The following PRIM2 variants were observed in gnomAD, a reference collection of about 807,000 sequenced individuals.
PRIM2 encodes DNA primase subunit 2.
Under a neutral mutation model 67.3 loss-of-function variants are expected in PRIM2, and 39 were observed. That is an observed-to-expected ratio of 0.58 (90% confidence interval 0.45 to 0.76). The LOEUF (loss-of-function observed/expected upper bound fraction) is 0.76, where lower values mean the gene tolerates loss of function less well. PRIM2 is among the 30% of genes least tolerant of loss of function. The probability of loss-of-function intolerance (pLI) is 0.00; values close to 1 mark genes in which losing one functional copy is unlikely to be tolerated. For synonymous variants in PRIM2, 143 were observed against 198.7 expected (o/e 0.72, Z 2.36); for missense variants, 398 against 598.7 (o/e 0.66, Z 3.50).
At chr6:57,506,741 A>C (rs2127459447) in intron 7 of PRIM2, among the ~76,000 whole-genome samples, 1 of 152,220 alleles carries the variant, frequency 6.6e-6, no homozygotes, top group South Asian at 2.1e-4. Flanking sequence ...TTATTGTAAT[A>C]AAATAGATCA....
chr6:57,405,550 G>T (rs185566864), intron 7 of PRIM2, among the ~76,000 whole-genome samples: 615 of 135,124 alleles, frequency 4.6e-3, no homozygotes, highest in Non-Finnish European at 6.7e-3. Flanking sequence ...AATAGGATTG[G>T]CCACATCCTA....
chr6:57,487,521 C>T (rs1425361493), intron 7 of PRIM2, among the ~76,000 whole-genome samples: 1 of 152,170 alleles, frequency 6.6e-6, no homozygotes, highest in Non-Finnish European at 1.5e-5. Flanking sequence ...GCGCCACTGC[C>T]CCTGGCCTGA....
intron 7 of PRIM2, among the ~76,000 whole-genome samples, chr6:57,468,896 C>T (rs1482650601): frequency 5.3e-5 from 8 of 152,154 alleles, no homozygotes; most frequent in African/African-American, 1.7e-4. Flanking sequence ...TTATTAAATG[C>T]CCAAGTCATT....
intron 7 of PRIM2, among the ~76,000 whole-genome samples, chr6:57,468,903 C>T (rs1292270458): frequency 1.3e-5 from 2 of 152,328 alleles, no homozygotes; most frequent in African/African-American, 2.4e-5. Flanking sequence ...ATGCCCAAGT[C>T]ATTTGCTCTC....
At chr6:57,415,745 A>C (rs1449523290) in intron 7 of PRIM2, among the ~76,000 whole-genome samples, 1 of 152,244 alleles carries the variant, frequency 6.6e-6, no homozygotes, top group Non-Finnish European at 1.5e-5. Flanking sequence ...CATTTCAACA[A>C]TGTTCATAGC....
At chr6:57,560,140 A>G (rs1398437882) in intron 10 of PRIM2, among the ~76,000 whole-genome samples, 1 of 152,206 alleles carries the variant, frequency 6.6e-6, no homozygotes, top group Non-Finnish European at 1.5e-5. Flanking sequence ...TTTATAAGTT[A>G]AGTGTATGTA....
At chr6:57,371,743 T>A (rs985950940) in intron 5 of PRIM2, among the ~76,000 whole-genome samples, 2 of 152,250 alleles carry the variant, frequency 1.3e-5, no homozygotes, top group Non-Finnish European at 2.9e-5. Flanking sequence ...GACATGAAGA[T>A]TTCTTCTCCT....
chr6:57,339,553 A>C (rs1461310092), intron 5 of PRIM2, among the ~76,000 whole-genome samples: 2 of 152,200 alleles, frequency 1.3e-5, no homozygotes, highest in Admixed American at 1.3e-4. Flanking sequence ...ATAACGCTGC[A>C]TATCTACAAC....
At chr6:57,480,169 A>G (rs1258977678) in intron 7 of PRIM2, among the ~76,000 whole-genome samples, 3 of 152,220 alleles carry the variant, frequency 2.0e-5, no homozygotes, top group Admixed American at 6.5e-5. Context: ...AGAGGTGAAG[A>G]GTGTGGAACA....
At chr6:57,266,921 A>G in the PRIM2 span, among the ~76,000 whole-genome samples, 1 of 152,246 alleles carries the variant, frequency 6.6e-6, no homozygotes, top group Non-Finnish European at 1.5e-5. Flanking sequence ...TGGAATGATG[A>G]AAAGTACTTC....
At position 57,539,588 on chromosome 6, in the gene PRIM2, C is replaced by G. The variant is rs1331520038; in HGVS notation, c.1020+1963C>G. Among the ~76,000 whole-genome samples, 905 of 112,878 alleles carry G rather than the reference C, an allele frequency of 8.0e-3. 11 individuals carry two copies. The highest frequency in any genetic ancestry group is 0.029 in the African/African-American group (852 of 29,888). The allele number at this position is 112,878 out of a possible 152,430, so 74.1% of individuals were successfully genotyped here. On this transcript the variant is annotated intron_variant, in intron 10 of 13. Transcript: ENST00000615550. ...TCTTTGTGTGTGTGTGTGTGTGTGT[C>G]AATTATAGTTTTGATTATATTCTTT...
the PRIM2 span, among the ~76,000 whole-genome samples, chr6:57,244,275 C>T: frequency 1.3e-5 from 2 of 152,296 alleles, no homozygotes; most frequent in East Asian, 1.9e-4. Flanking sequence ...TAACGAAATG[C>T]ACCTTCATTT....
intron 10 of PRIM2, among the ~76,000 whole-genome samples, chr6:57,548,892 C>T (rs1775344183): frequency 6.6e-6 from 1 of 151,758 alleles, no homozygotes; most frequent in African/African-American, 2.4e-5. Context: ...TCTAGAATAA[C>T]ACCTTCCATA....
upstream of PRIM2, among the ~76,000 whole-genome samples, chr6:57,310,907 C>T (rs1033028697): frequency 5.8e-5 from 8 of 138,434 alleles, no homozygotes; most frequent in South Asian, 4.9e-4. Context: ...GGGTGGCGGC[C>T]GGGCAGAGAC....
intron 12 of PRIM2, among the ~76,000 whole-genome samples, chr6:57,615,538 T>C (rs1265252868): frequency 3.3e-5 from 5 of 152,322 alleles, no homozygotes; most frequent in Non-Finnish European, 5.9e-5. Flanking sequence ...GAAAGATGCA[T>C]ATGAAATTTT....
At chr6:57,434,184 T>TA (rs769541798) in intron 7 of PRIM2, among the ~76,000 whole-genome samples, 1 of 151,874 alleles carries the variant, frequency 6.6e-6, no homozygotes, top group Non-Finnish European at 1.5e-5. Flanking sequence ...CTCGGCCTCC[T>TA]AAAGTGTTGG....
chr6:57,547,393 A>G (rs1775310596), intron 10 of PRIM2, among the ~76,000 whole-genome samples: 1 of 151,956 alleles, frequency 6.6e-6, no homozygotes, highest in African/African-American at 2.4e-5. Flanking sequence ...CCTCCCTTCC[A>G]CTTCTAGTAG....
intron 10 of PRIM2, among the ~76,000 whole-genome samples, chr6:57,540,643 ACATGAGATATACAG>A (rs1775128421): frequency 2.6e-5 from 4 of 152,234 alleles, no homozygotes; most frequent in Non-Finnish European, 4.4e-5. Flanking sequence ...TTATTTACTA[ACATGAGATATACAG>A]AAATCTATTG....
intron 7 of PRIM2, among the ~76,000 whole-genome samples, chr6:57,445,408 G>A (rs1772332932): frequency 6.6e-6 from 1 of 151,996 alleles, no homozygotes. Flanking sequence ...ACCTCCTTTG[G>A]CAGTAACATA....
Sources: allele counts gnomAD v4.1 joint callset (sites outside exome capture counted in the v4.1 genomes callset), GRCh38; gene constraint gnomAD v4.1.1; transcripts MANE v1.5; gene names NCBI Gene and HGNC (gene_info 2026-07-23, HGNC 2026-07-21).